Variants in TENM3 observed in about 807,000 individuals in gnomAD.
TENM3 encodes the protein teneurin-3.
In TENM3, 63 loss-of-function variants were observed where a neutral mutation model predicts 255.1. The observed-to-expected ratio is 0.25, with a 90% CI of 0.20 to 0.30. The LOEUF (loss-of-function observed/expected upper bound fraction) is 0.30. TENM3 is among the 10% of genes least tolerant of loss of function. The probability of loss-of-function intolerance (pLI) is 1.00; values close to 1 mark genes in which losing one functional copy is unlikely to be tolerated. For synonymous variants in TENM3, 1,306 were observed against 1,322.3 expected (o/e 0.99, Z 0.27); for missense variants, 2,929 against 3,461.1 (o/e 0.85, Z 3.86).
chr4:181,605,569 AGAGAGAGAAAG>A, the TENM3 span, among the ~76,000 whole-genome samples: 7 of 53,202 alleles, frequency 1.3e-4, 2 homozygotes, highest in East Asian at 4.5e-4. Flanking sequence ...AAAGAAAGAA[AGAGAGAGAAAG>A]AAAGGAAAGA....
At chr4:182,686,805 T>A (rs1385292288) in intron 11 of TENM3, among the ~76,000 whole-genome samples, 1 of 152,110 alleles carries the variant, frequency 6.6e-6, no homozygotes, top group Non-Finnish European at 1.5e-5. Flanking sequence ...TTGATTAGAT[T>A]GAATAAAAAG....
chr4:181,491,348 A>C, the TENM3 span, among the ~76,000 whole-genome samples: 1 of 152,104 alleles, frequency 6.6e-6, no homozygotes, highest in African/African-American at 2.4e-5. Flanking sequence ...CAAGATATAA[A>C]TATAGAAGCA....
At chr4:181,808,668 G>T in the TENM3 span, among the ~76,000 whole-genome samples, 1 of 152,148 alleles carries the variant, frequency 6.6e-6, no homozygotes, top group Non-Finnish European at 1.5e-5. Flanking sequence ...TGTGAAAATG[G>T]GATACAAGCC....
intron 1 of TENM3, among the ~76,000 whole-genome samples, chr4:182,271,385 CT>C (rs1045669933): frequency 1.3e-5 from 2 of 152,142 alleles, no homozygotes; most frequent in African/African-American, 4.8e-5. Context: ...AACAAAAGCT[CT>C]TTTTTCTCCC....
chr4:181,768,636 TA>T, the TENM3 span, among the ~76,000 whole-genome samples: 1 of 152,226 alleles, frequency 6.6e-6, no homozygotes, highest in Non-Finnish European at 1.5e-5. Context: ...AGTGCCAATT[TA>T]TATGACAAAA....
the TENM3 span, among the ~76,000 whole-genome samples, chr4:181,464,971 T>C: frequency 2.0e-5 from 3 of 151,932 alleles, no homozygotes. Context: ...AGAAAAAAAG[T>C]CCAATTTATC....
the TENM3 span, among the ~76,000 whole-genome samples, chr4:181,792,812 A>G: frequency 3.9e-5 from 6 of 152,196 alleles, no homozygotes; most frequent in Admixed American, 1.3e-4. Context: ...ACTTCTCCCT[A>G]TTGAGCAGCA....
chr4:181,883,668 G>A, the TENM3 span, among the ~76,000 whole-genome samples: 2 of 152,046 alleles, frequency 1.3e-5, no homozygotes, highest in South Asian at 2.1e-4. Flanking sequence ...TAGAGACGGG[G>A]TTTCATCGTT....
At chr4:182,372,071 A>G (rs1224946611) in intron 3 of TENM3, among the ~76,000 whole-genome samples, 2 of 152,136 alleles carry the variant, frequency 1.3e-5, no homozygotes, top group African/African-American at 4.8e-5. Flanking sequence ...AATTATGCAA[A>G]CTCTCATTAA....
At chr4:182,381,122 C>G (rs966514445) in intron 3 of TENM3, among the ~76,000 whole-genome samples, 3 of 152,168 alleles carry the variant, frequency 2.0e-5, no homozygotes, top group South Asian at 2.1e-4. Context: ...GTGAGAGTCC[C>G]GACCAGGGCT....
At chr4:182,149,058 G>A (rs915720515) in intron 1 of TENM3, among the ~76,000 whole-genome samples, 13 of 151,900 alleles carry the variant, frequency 8.6e-5, no homozygotes, top group Middle Eastern at 3.4e-3. Flanking sequence ...TTTCTAGTGC[G>A]TGTAAACTTC....
At chr4:182,205,807 T>C (rs1288264652) in intron 1 of TENM3, among the ~76,000 whole-genome samples, 2 of 152,214 alleles carry the variant, frequency 1.3e-5, no homozygotes, top group African/African-American at 2.4e-5. Flanking sequence ...GTGGAGTACA[T>C]GTGGATGCTC....
At chr4:182,019,063 G>T in the TENM3 span, among the ~76,000 whole-genome samples, 25,125 of 152,160 alleles carry the variant, frequency 0.17, 2,305 homozygotes, top group Non-Finnish European at 0.22. Flanking sequence ...CGCATTTGGA[G>T]TTCACTGTCC....
chr4:181,821,937 T>C, the TENM3 span, among the ~76,000 whole-genome samples: 1 of 152,194 alleles, frequency 6.6e-6, no homozygotes, highest in Non-Finnish European at 1.5e-5. Context: ...CTCGGTTGTT[T>C]TGGGTCGAAA....
At chr4:182,426,282 A>G (rs1771217160) in intron 3 of TENM3, among the ~76,000 whole-genome samples, 1 of 152,158 alleles carries the variant, frequency 6.6e-6, no homozygotes, top group African/African-American at 2.4e-5. Context: ...CCCATATTGG[A>G]GAAGAACCAC....
the TENM3 span, among the ~76,000 whole-genome samples, chr4:181,833,851 G>C: frequency 6.6e-6 from 1 of 152,132 alleles, no homozygotes; most frequent in Non-Finnish European, 1.5e-5. Flanking sequence ...CAAGGACAAG[G>C]GGTGTCCTGC....
chr4:181,987,962 G>A, the TENM3 span, among the ~76,000 whole-genome samples: 1 of 151,986 alleles, frequency 6.6e-6, no homozygotes, highest in African/African-American at 2.4e-5. Context: ...AGGGGCAAGA[G>A]AGAAATGGAA....
intron 11 of TENM3, among the ~76,000 whole-genome samples, chr4:182,683,742 C>G (rs1433369122): frequency 6.6e-6 from 1 of 151,850 alleles, no homozygotes; most frequent in Non-Finnish European, 1.5e-5. Context: ...GAAAACTGTC[C>G]TGTAGATAAT....
chr4:182,546,772 C>G (rs929495249), intron 3 of TENM3, among the ~76,000 whole-genome samples: 1 of 152,088 alleles, frequency 6.6e-6, no homozygotes, highest in Non-Finnish European at 1.5e-5. Context: ...TGAAAATGGA[C>G]AAGTTGCTTA....
Sources: allele counts gnomAD v4.1 joint callset (sites outside exome capture counted in the v4.1 genomes callset), GRCh38; gene constraint gnomAD v4.1.1; transcripts MANE v1.5; gene names NCBI Gene and HGNC (gene_info 2026-07-23, HGNC 2026-07-21).